BTNL3: variants seen among roughly 807,000 people sequenced by gnomAD.
BTNL3 encodes butyrophilin like 3.
Under a neutral mutation model 40.1 loss-of-function variants are expected in BTNL3, and 20 were observed. That is an observed-to-expected ratio of 0.50 (90% CI 0.35 to 0.72). BTNL3 has a LOEUF of 0.72. Among genes scored for constraint, BTNL3 ranks in the 30% least tolerant of loss-of-function variants. The probability of loss-of-function intolerance (pLI) is 0.01; values close to 1 mark genes in which losing one functional copy is unlikely to be tolerated. For synonymous variants in BTNL3, 179 were observed against 222.1 expected (o/e 0.81, Z 1.73); for missense variants, 449 against 582.2 (o/e 0.77, Z 2.35).
chr5:181,002,583 A>C, intron 3 of BTNL3, 89 bp from the exon 4 acceptor site: 1 of 1,191,238 alleles, frequency 8.4e-7, no homozygotes, highest in Non-Finnish European at 1.1e-6. Context: ...AAATGTTTTC[A>C]TCTTGGGGTA....
intron 1 of BTNL3, among the ~76,000 whole-genome samples, chr5:180,990,953 G>GA (rs1759961509): frequency 7.3e-6 from 1 of 137,370 alleles, no homozygotes; most frequent in African/African-American, 2.5e-5. Flanking sequence ...CACTGGGTGA[G>GA]ATGTGCCCCT....
rs1344111190 is a variant in BTNL3, at chr5:181,000,153, A to G, written c.674-2519A>G. Among the ~76,000 whole-genome samples, 2 of 137,238 alleles carry G rather than the reference A, an allele frequency of 1.5e-5. 1 individual carries two copies. Among genetic ancestry groups the G allele is most frequent in the Non-Finnish European group, 3.3e-5 (2 of 60,066 alleles). The allele number at this position is 137,238 out of a possible 152,430, so 90.0% of individuals were successfully genotyped here. Reference sequence around the variant, plus strand: ...TAAAAATCTTACCAAAAATTTTGCAAGTAGAAAAGTCCACAAAAACATATA... The same window carrying G: ...TAAAAATCTTACCAAAAATTTTGCAGGTAGAAAAGTCCACAAAAACATATA... On this transcript the variant is annotated intron_variant, in intron 3 of 7. Coordinates refer to ENST00000342868, the MANE Select transcript of BTNL3 (RefSeq NM_197975.3).
In BTNL3 at chr5:180,992,813, G is replaced by A. The variant is rs1415859927; in HGVS notation, c.50G>A (p.Gly17Glu). Residue 17 changes from glycine (G) to glutamate (E), a missense_variant and splice_region_variant, in exon 2 of 8, where the codon GGA becomes GAA. By Grantham distance (98) the Gly-to-Glu change is moderately conservative (BLOSUM62 -2). This residue lies in a region of BTNL3 where 323 missense variants were observed against 464.9 expected (regional missense o/e 0.69). Transcript: ENST00000342868. ...TTGTCTGTTATGTTTCCTCCTATAG[G>A]ACAGTGGCAAGTCACTGGACCGGGC... ...LVLSFYELVS[G>E]QWQVTGPGKF... The A allele has an allele frequency of 6.8e-7, 1 of 1,463,034 alleles. No individual in the cohort carries two copies. Among genetic ancestry groups the A allele is most frequent in the African/African-American group, 1.4e-5 (1 of 72,646 alleles). 90.6% of individuals were successfully genotyped at this position (1,463,034 alleles called of 1,614,324 possible).
In BTNL3 at chr5:180,997,027, TAA is replaced by T. The variant is rs1760042154; in HGVS notation, c.398-185_398-184del. On this transcript the variant is annotated intron_variant, in intron 2 of 7. Transcript: ENST00000342868. ...GTAGTAGCATGAGTGGATGTGTGTG[TAA>T]GAGAGAGAGAGAGAAAAAGATGTGT... Among the ~76,000 whole-genome samples, 2 of 135,822 alleles carry T rather than the reference TAA, an allele frequency of 1.5e-5. 1 individual carries two copies. The highest frequency in any genetic ancestry group is 4.3e-4 in the East Asian group (2 of 4,620). The allele number at this position is 135,822 out of a possible 152,430, so 89.1% of individuals were successfully genotyped here.
chr5:180,991,725 G>A lies in BTNL3; in HGVS notation c.50-1088G>A, dbSNP rs910358219. Among the ~76,000 whole-genome samples, 34 of 136,572 alleles carry A rather than the reference G, an allele frequency of 2.5e-4. 5 individuals are homozygous for A. The highest frequency in any genetic ancestry group is 8.6e-4 in the African/African-American group (34 of 39,724). The allele number at this position is 136,572 out of a possible 152,430, so 89.6% of individuals were successfully genotyped here. ...AAAAGTCGTGCAGGGAAGGCTCGCA[G>A]AAAACAAACAGTTATGTCACTTGCA... On this transcript the variant is annotated intron_variant, in intron 1 of 7. Transcript: ENST00000342868.
chr5:180,998,599 T>A (rs1237942353), intron 3 of BTNL3, among the ~76,000 whole-genome samples: 1 of 136,590 alleles, frequency 7.3e-6, no homozygotes, highest in Non-Finnish European at 1.7e-5. Flanking sequence ...TTTAAGAAAA[T>A]TTTCAGACAT....
In BTNL3 at chr5:180,998,218, C is replaced by T. The variant is rs551124510; in HGVS notation, c.673+730C>T. On this transcript the variant is annotated intron_variant, in intron 3 of 7. Transcript: ENST00000342868. ...GAAATATTAATCACGAAGAATTGAA[C>T]AGATATATTAGTGTCAAGAAAAGGA... Among the ~76,000 whole-genome samples the T allele has an allele frequency of 3.7e-5, 5 of 135,752 alleles. 1 individual carries two copies. The East Asian group carries it at 1.1e-3, about 29-fold the overall frequency. 89.1% of individuals were successfully genotyped at this position (135,752 alleles called of 152,430 possible). A position where few individuals can be genotyped will look rare whatever the true frequency, so the allele number is the denominator to read the frequency against.
chr5:181,000,770 C>T (rs1472290388), intron 3 of BTNL3, among the ~76,000 whole-genome samples: 1 of 133,502 alleles, frequency 7.5e-6, no homozygotes, highest in Admixed American at 8.0e-5. Flanking sequence ...TGCGCCACTG[C>T]AGTCCGCAGT....
Position 181,003,088 on chromosome 5 carries a change from G to A in BTNL3, c.787+303G>A, listed in dbSNP as rs371485274. On this transcript the variant is annotated intron_variant, in intron 4 of 7. Coordinates refer to ENST00000342868, the MANE Select transcript of BTNL3 (RefSeq NM_197975.3). ...TTCTACCAACAGGCTGAGTGCCGTG[G>A]CTCGTGTCTGTAATCCCAGCACTTT... is the stretch of plus-strand genomic sequence containing the variant. Among the ~76,000 whole-genome samples the A allele has an allele frequency of 3.1e-4, 43 of 136,594 alleles. 5 individuals are homozygous for A. Among genetic ancestry groups the A allele is most frequent in the East Asian group, 3.0e-3 (14 of 4,610 alleles). The allele number at this position is 136,594 out of a possible 152,430, so 89.6% of individuals were successfully genotyped here. A position where few individuals can be genotyped will look rare whatever the true frequency, so the allele number is the denominator to read the frequency against.
intron 2 of BTNL3, among the ~76,000 whole-genome samples, 171 bp from the exon 3 acceptor site, chr5:180,997,042 G>A (rs573422469): frequency 2.9e-5 from 4 of 136,534 alleles, no homozygotes; most frequent in African/African-American, 1.0e-4. Context: ...GAGAGAGAGA[G>A]AAAAAGATGT....
chr5:180,992,308 T>G (rs1341087271), intron 1 of BTNL3, among the ~76,000 whole-genome samples: 1 of 137,594 alleles, frequency 7.3e-6, no homozygotes, highest in Non-Finnish European at 1.7e-5. Flanking sequence ...CCATAAAACA[T>G]TTACAAGATG....
At chr5:180,992,672 G>C in intron 1 of BTNL3, 141 bp from the exon 2 acceptor site, 1 of 1,061,786 alleles carries the variant, frequency 9.4e-7, no homozygotes. Context: ...GCAAGTGTAA[G>C]ATGTGCAAAT....
intron 4 of BTNL3, among the ~76,000 whole-genome samples, chr5:181,003,056 C>T (rs1229359345): frequency 7.4e-6 from 1 of 135,862 alleles, no homozygotes; most frequent in Non-Finnish European, 1.7e-5. Context: ...AAAGAGTTCA[C>T]ATAAATTTCT....
At chr5:180,995,905 C>T (rs540853992) in intron 2 of BTNL3, among the ~76,000 whole-genome samples, 6 of 135,410 alleles carry the variant, frequency 4.4e-5, no homozygotes, top group South Asian at 2.2e-4. Context: ...CTATGCTTGC[C>T]GCATTTCTAG....
In BTNL3 at chr5:180,988,892, A is replaced by C; in HGVS notation, c.-137A>C. 9.7e-7 allele frequency: 1 copy of C among 1,032,196 alleles called. No individual in the cohort carries two copies. Among genetic ancestry groups the C allele is most frequent in the South Asian group, 1.4e-5 (1 of 69,300 alleles). 63.9% of individuals were successfully genotyped at this position (1,032,196 alleles called of 1,614,324 possible). On this transcript the variant is annotated 5_prime_UTR_variant, in exon 1 of 8. An upstream start codon of the reference 5' UTR is lost. Transcript: ENST00000342868. ...ATGTTTAGGGAGGCTCTAGGGAGAA[A>C]TGCACAGTTTGACATCGTTCATGAA...
At chr5:181,002,343 T>C (rs1760123791) in intron 3 of BTNL3, among the ~76,000 whole-genome samples, 1 of 72,554 alleles carries the variant, frequency 1.4e-5, no homozygotes, top group Admixed American at 1.8e-4. Context: ...TCATTAGACA[T>C]AGACACACAC....
intron 3 of BTNL3, among the ~76,000 whole-genome samples, chr5:181,000,643 A>G (rs1760094374): frequency 7.7e-6 from 1 of 129,522 alleles, no homozygotes; most frequent in South Asian, 2.3e-4. Flanking sequence ...CGTCTCTACT[A>G]AAAATACAAA....
Position 181,005,860 on chromosome 5 carries a change from G to A in BTNL3, c.1389G>A (p.Val463=). The change falls in exon 8 of 8, where the codon GTG becomes GTA. Residue 463 remains valine, a synonymous_variant. Transcript: ENST00000342868. The part of the protein sequence containing the change: ...EKGTPIFICP[V]SWG ...GGACTCCCATATTCATATGTCCAGT[G>A]TCCTGGGGATGAGACAGAGAAGACC... 1.2e-6 allele frequency: 2 copies of A among 1,603,866 alleles called. No individual in the cohort carries two copies. Among genetic ancestry groups the A allele is most frequent in the Non-Finnish European group, 8.5e-7 (1 of 1,174,818 alleles).
Position 181,006,111 on chromosome 5 carries a change from C to T in BTNL3, c.*239C>T, listed in dbSNP as rs1760227284. 2.0e-6 allele frequency: 1 copy of T among 495,794 alleles called. No homozygotes were observed. Among genetic ancestry groups the T allele is most frequent in the East Asian group, 3.0e-5 (1 of 32,980 alleles). 30.7% of individuals were successfully genotyped at this position (495,794 alleles called of 1,614,324 possible). ...TGTGGGAGTCAGAAGCCATGGCTGC[C>T]CTGAAGTGGGGACGGAATAGACTCA... On this transcript the variant is annotated 3_prime_UTR_variant, in exon 8 of 8. Coordinates refer to ENST00000342868, the MANE Select transcript of BTNL3 (RefSeq NM_197975.3).
Sources: allele counts gnomAD v4.1 joint callset (sites outside exome capture counted in the v4.1 genomes callset), GRCh38; gene constraint gnomAD v4.1.1; regional missense constraint gnomAD v4.1.1; transcripts MANE v1.5; gene names NCBI Gene and HGNC (gene_info 2026-07-23, HGNC 2026-07-21).